Variants in OGDH observed in about 807,000 individuals in gnomAD.
OGDH encodes the protein oxoglutarate dehydrogenase, also known as 2-oxoglutarate dehydrogenase complex component E1.
A neutral mutation model predicts 116.6 loss-of-function variants in OGDH; 38 were observed. The observed-to-expected ratio is 0.33, with a 90% CI of 0.25 to 0.43. The LOEUF (loss-of-function observed/expected upper bound fraction) is 0.43, where lower values mean the gene tolerates loss of function less well. Among genes scored for constraint, OGDH ranks in the 20% least tolerant of loss-of-function variants. The pLI is 1.00. For synonymous variants in OGDH, 488 were observed against 533.3 expected, an observed-to-expected ratio of 0.92 and a Z score of 1.17; for missense variants, 825 against 1,357.2, an observed-to-expected ratio of 0.61 and a Z score of 6.16.
intron 9 of OGDH, among the ~76,000 whole-genome samples, chr7:44,680,197 G>A (rs941292641): frequency 1.3e-5 from 2 of 152,222 alleles, no homozygotes; most frequent in Middle Eastern, 6.8e-3. Flanking sequence ...GGGTGAAAGA[G>A]TGAGACCCTG....
intron 10 of OGDH, among the ~76,000 whole-genome samples, chr7:44,688,806 G>T (rs913097863): frequency 6.6e-6 from 1 of 152,038 alleles, no homozygotes; most frequent in Non-Finnish European, 1.5e-5. Flanking sequence ...TGGAGTGCAA[G>T]TGGCATAATC....
chr7:44,628,029 G>A (rs969427656), intron 2 of OGDH, among the ~76,000 whole-genome samples: 1 of 152,196 alleles, frequency 6.6e-6, no homozygotes, highest in African/African-American at 2.4e-5. Context: ...ATACATAACA[G>A]TAGAGAGAAG....
At chr7:44,699,254 C>T (rs1470618993) in intron 18 of OGDH, among the ~76,000 whole-genome samples, 1 of 151,796 alleles carries the variant, frequency 6.6e-6, no homozygotes, top group Non-Finnish European at 1.5e-5. Flanking sequence ...AGTGAAACCC[C>T]GTCTCTACTA....
At chr7:44,685,498 C>G (rs977556832) in intron 10 of OGDH, among the ~76,000 whole-genome samples, 1 of 152,200 alleles carries the variant, frequency 6.6e-6, no homozygotes, top group Non-Finnish European at 1.5e-5. Context: ...TAAAATATAT[C>G]ACATTTTGCT....
intron 4 of OGDH, among the ~76,000 whole-genome samples, chr7:44,660,877 A>G (rs999633598): frequency 6.6e-6 from 1 of 152,144 alleles, no homozygotes; most frequent in African/African-American, 2.4e-5. Flanking sequence ...GCAGTGATCT[A>G]TGATTGCACC....
chr7:44,707,624 A>G lies in OGDH; in HGVS notation c.2839A>G (p.Lys947Glu). The change falls in exon 22 of 23, where the codon AAG becomes GAG. Residue 947 changes from lysine to glutamate, a missense_variant. Around this residue, in one of 7 missense-constraint regions of OGDH, gnomAD observed 212 missense variants for 284.3 expected, o/e 0.75. Coordinates refer to ENST00000222673, the MANE Select transcript of OGDH (RefSeq NM_002541.4). This position sits in a 1 kb window ranked among gnomAD's most constrained non-coding sequence, Gnocchi z 5.2. Reference protein sequence around the residue: ...PFDLLLKEVQKYPNAELAWCQ... With the variant: ...PFDLLLKEVQEYPNAELAWCQ... ...TGACCTCCTGCTGAAGGAGGTGCAG[A>G]AGTACCCCAATGCTGAGCTGGCCTG... 1 of 1,614,170 alleles carries G rather than the reference A, an allele frequency of 6.2e-7. No homozygotes were observed. The highest frequency in any genetic ancestry group is 8.5e-7 in the Non-Finnish European group (1 of 1,180,038).
intron 1 of OGDH, among the ~76,000 whole-genome samples, chr7:44,610,903 C>T (rs1367203993): frequency 1.3e-5 from 2 of 152,032 alleles, no homozygotes; most frequent in African/African-American, 4.8e-5. Flanking sequence ...CCACCGCGCT[C>T]AGCCCCTTTT....
At chr7:44,646,222 G>A (rs1192780194) in intron 3 of OGDH, among the ~76,000 whole-genome samples, 2 of 152,346 alleles carry the variant, frequency 1.3e-5, no homozygotes, top group Non-Finnish European at 2.9e-5. Flanking sequence ...GTAGAGACAA[G>A]TGAGCCTGGT....
At chr7:44,696,347 C>A (rs1204344876) in intron 13 of OGDH, 82 bp from the exon 14 acceptor site, 59 of 1,531,090 alleles carry the variant, frequency 3.9e-5, no homozygotes, top group Non-Finnish European at 5.2e-5. Flanking sequence ...CCCTGCTTCT[C>A]CCCAAAATCA....
chr7:44,645,059 A>G (rs191144909), intron 2 of OGDH, among the ~76,000 whole-genome samples: 14 of 152,264 alleles, frequency 9.2e-5, no homozygotes, highest in Admixed American at 7.8e-4. Context: ...ATGTGTGTTG[A>G]TGGAAGGCGG....
intron 2 of OGDH, among the ~76,000 whole-genome samples, chr7:44,631,017 G>T (rs781375403): frequency 7.2e-5 from 11 of 152,118 alleles, no homozygotes; most frequent in Admixed American, 7.2e-4. Context: ...CTCGCTTGCC[G>T]CTCACTTCCT....
chr7:44,689,392 C>CTTTTTTTTTTT (rs561058807), intron 10 of OGDH, among the ~76,000 whole-genome samples: 8 of 71,266 alleles, frequency 1.1e-4, no homozygotes, highest in East Asian at 9.6e-4. Flanking sequence ...ATTTTTTTTT[C>CTTTTTTTTTTT]TTTTTTTTTT....
chr7:44,624,960 C>T (rs1785147429), intron 2 of OGDH, among the ~76,000 whole-genome samples: 2 of 152,290 alleles, frequency 1.3e-5, no homozygotes, highest in South Asian at 4.1e-4. Flanking sequence ...GCCGTAGTCA[C>T]CTCATGTAAT....
intron 10 of OGDH, among the ~76,000 whole-genome samples, chr7:44,685,315 C>T (rs1788083977): frequency 6.6e-6 from 1 of 152,136 alleles, no homozygotes; most frequent in Non-Finnish European, 1.5e-5. Flanking sequence ...ACTCTACTTT[C>T]TGTCTCTATG....
intron 4 of OGDH, among the ~76,000 whole-genome samples, chr7:44,648,173 G>C (rs949481818): frequency 6.6e-6 from 1 of 152,230 alleles, no homozygotes; most frequent in African/African-American, 2.4e-5. Context: ...CTGAAGCCCA[G>C]TGTGGCCTGC....
Position 44,611,920 on chromosome 7 carries a change from TG to T in OGDH, c.-28+5268del, listed in dbSNP as rs529786983. ...CAAATAGATATTCTAAAAGTTTTAA[TG>T]TTTTTTTTTATTATTATGCTTTAAG... On this transcript the variant is annotated intron_variant, in intron 1 of 22. Coordinates refer to ENST00000222673, the MANE Select transcript of OGDH (RefSeq NM_002541.4). 6.2e-4 allele frequency among the ~76,000 whole-genome samples: 94 copies of T among 152,230 alleles called. 1 individual carries two copies. The highest frequency in any genetic ancestry group is 1.7e-3 in the African/African-American group (71 of 41,538).
intron 2 of OGDH, among the ~76,000 whole-genome samples, chr7:44,633,202 A>C (rs915411721): frequency 6.7e-6 from 1 of 148,722 alleles, no homozygotes; most frequent in Admixed American, 6.8e-5. Context: ...TTAGTGAGCC[A>C]AGATTGAGCC....
chr7:44,652,260 C>G (rs180950666), intron 4 of OGDH, among the ~76,000 whole-genome samples: 287 of 152,180 alleles, frequency 1.9e-3, no homozygotes, highest in African/African-American at 6.6e-3. Context: ...AGGCACCCAC[C>G]ACCATGCCCA....
chr7:44,674,138 G>T (rs529426636), intron 6 of OGDH, among the ~76,000 whole-genome samples, 197 bp downstream of exon 6: 82 of 152,310 alleles, frequency 5.4e-4, no homozygotes, highest in African/African-American at 1.9e-3. Context: ...TCCGCCTCCT[G>T]AATTCAAGTG....
Sources: gnomAD v4.1 joint callset for allele counts (sites outside exome capture counted in the v4.1 genomes callset) on GRCh38, gnomAD v4.1.1 for gene constraint, gnomAD v4.1.1 regional missense constraint, Gnocchi (gnomAD v3.1) non-coding constraint, MANE v1.5 for transcripts, NCBI Gene and HGNC (gene_info 2026-07-23, HGNC 2026-07-21) for gene names.